The following PLCB1 variants were observed in gnomAD, a reference collection of about 807,000 sequenced individuals.
The protein encoded by PLCB1 is 1-phosphatidylinositol 4,5-bisphosphate phosphodiesterase beta-1.
PLCB1 carries 46 observed loss-of-function variants against 161.8 expected under a neutral mutation model. That is an observed-to-expected ratio of 0.28 (90% confidence interval 0.22 to 0.36). The LOEUF (loss-of-function observed/expected upper bound fraction) is 0.36. Among genes scored for constraint, PLCB1 ranks in the 10% least tolerant of loss-of-function variants. The pLI, the probability that PLCB1 is intolerant of heterozygous loss-of-function variation, is 1.00. For synonymous variants in PLCB1, 517 were observed against 503.7 expected (o/e 1.03, Z -0.35); for missense variants, 1,016 against 1,472.5 (o/e 0.69, Z 5.07).
chr20:8,232,849 A>AC (rs141117909), intron 2 of PLCB1, among the ~76,000 whole-genome samples: 259 of 152,150 alleles, frequency 1.7e-3, no homozygotes, highest in African/African-American at 5.9e-3. Context: ...GATTTGACCT[A>AC]CCTTTAATCT....
chr20:8,351,811 A>G (rs1986189214), intron 2 of PLCB1, among the ~76,000 whole-genome samples: 1 of 152,102 alleles, frequency 6.6e-6, no homozygotes, highest in African/African-American at 2.4e-5. Flanking sequence ...CACTATTAAA[A>G]TAGCTAAAAT....
intron 1 of PLCB1, among the ~76,000 whole-genome samples, chr20:8,144,317 C>T (rs1342313980): frequency 1.3e-5 from 2 of 152,160 alleles, no homozygotes; most frequent in African/African-American, 4.8e-5. Context: ...GGGATCTGGG[C>T]TTTAATTTGG....
At chr20:8,507,603 G>T (rs1369431825) in intron 3 of PLCB1, among the ~76,000 whole-genome samples, 1 of 152,110 alleles carries the variant, frequency 6.6e-6, no homozygotes, top group Non-Finnish European at 1.5e-5. Context: ...AGAAAAGCAG[G>T]ATTTAATGGA....
chr20:8,733,825 T>A (rs1293232971), intron 19 of PLCB1, among the ~76,000 whole-genome samples: 1 of 134,448 alleles, frequency 7.4e-6, no homozygotes, highest in Admixed American at 7.4e-5. Context: ...ATAATAATAA[T>A]AAAAGTTTTG....
chr20:8,239,639 T>C (rs755549413), intron 2 of PLCB1, among the ~76,000 whole-genome samples: 11 of 151,626 alleles, frequency 7.3e-5, no homozygotes, highest in Non-Finnish European at 1.6e-4. Flanking sequence ...GTGAGATAAA[T>C]CTTGAGAAAA....
intron 31 of PLCB1, among the ~76,000 whole-genome samples, chr20:8,796,289 G>A: frequency 6.6e-6 from 1 of 152,118 alleles, no homozygotes; most frequent in East Asian, 1.9e-4. Flanking sequence ...GTAACAGGGT[G>A]ATTGACTCAT....
At chr20:8,646,013 A>T in intron 4 of PLCB1, 89 bp from the exon 5 acceptor site, 1 of 862,254 alleles carries the variant, frequency 1.2e-6, no homozygotes, top group East Asian at 2.5e-5. Context: ...ACATTGAACT[A>T]ATGTGTCTTC....
intron 25 of PLCB1, among the ~76,000 whole-genome samples, chr20:8,760,915 G>C (rs1043022140): frequency 6.6e-6 from 1 of 152,138 alleles, no homozygotes; most frequent in Non-Finnish European, 1.5e-5. Flanking sequence ...AACTAAAATT[G>C]GTACAAGCTT....
At chr20:8,496,341 A>T (rs866480036) in intron 3 of PLCB1, among the ~76,000 whole-genome samples, 4,558 of 151,960 alleles carry the variant, frequency 0.03, 230 homozygotes, top group African/African-American at 0.1. Context: ...AAAAAAAAAA[A>T]AAAAAAAATA....
intron 3 of PLCB1, among the ~76,000 whole-genome samples, chr20:8,500,690 C>G (rs1317286096): frequency 6.6e-6 from 1 of 152,120 alleles, no homozygotes; most frequent in Non-Finnish European, 1.5e-5. Flanking sequence ...TTACCAAACT[C>G]TTTCTTCTTT....
At chr20:8,213,475 C>T (rs1157932818) in intron 2 of PLCB1, among the ~76,000 whole-genome samples, 1 of 152,056 alleles carries the variant, frequency 6.6e-6, no homozygotes, top group East Asian at 1.9e-4. Flanking sequence ...AAAGGCCCTG[C>T]AGCAGGAGGT....
At chr20:8,527,784 A>G (rs1359993529) in intron 3 of PLCB1, among the ~76,000 whole-genome samples, 7 of 152,106 alleles carry the variant, frequency 4.6e-5, no homozygotes, top group Non-Finnish European at 8.8e-5. Context: ...ACAACTCAAT[A>G]AAAAGGAAAG....
chr20:8,795,829 C>T (rs1374004834), intron 31 of PLCB1, among the ~76,000 whole-genome samples: 4 of 150,168 alleles, frequency 2.7e-5, no homozygotes, highest in Non-Finnish European at 5.9e-5. Context: ...GAGCCGAGAT[C>T]GCGCCACTGC....
chr20:8,391,013 T>G (rs1051926447), intron 3 of PLCB1, among the ~76,000 whole-genome samples: 1 of 151,798 alleles, frequency 6.6e-6, no homozygotes, highest in Admixed American at 6.6e-5. Context: ...CTAAATGCAT[T>G]TTGCCATCAT....
chr20:8,320,217 C>T (rs1436221951), intron 2 of PLCB1, among the ~76,000 whole-genome samples: 1 of 152,084 alleles, frequency 6.6e-6, no homozygotes, highest in Non-Finnish European at 1.5e-5. Context: ...GTTTTTCACA[C>T]TGTAATCTTT....
At chr20:8,483,460 T>G (rs1982591896) in intron 3 of PLCB1, among the ~76,000 whole-genome samples, 1 of 152,220 alleles carries the variant, frequency 6.6e-6, no homozygotes, top group Non-Finnish European at 1.5e-5. Context: ...CAGAAATCAC[T>G]GTATGGAACA....
chr20:8,381,146 G>T (rs947280117), intron 3 of PLCB1, among the ~76,000 whole-genome samples: 2 of 152,120 alleles, frequency 1.3e-5, no homozygotes, highest in Admixed American at 1.3e-4. Flanking sequence ...AGAGTTTTTA[G>T]CATGAAGTGA....
intron 3 of PLCB1, among the ~76,000 whole-genome samples, chr20:8,475,119 A>G (rs1288474170): frequency 1.3e-5 from 2 of 152,198 alleles, no homozygotes; most frequent in Non-Finnish European, 1.5e-5. Context: ...ATTTTCAATC[A>G]AAGATCTTAC....
intron 3 of PLCB1, among the ~76,000 whole-genome samples, chr20:8,516,789 T>C (rs1248712865): frequency 4.0e-5 from 6 of 150,586 alleles, no homozygotes; most frequent in Middle Eastern, 3.5e-3. Flanking sequence ...AAGATAGATA[T>C]AGTTGAGTCA....
Sources: allele counts gnomAD v4.1 joint callset (sites outside exome capture counted in the v4.1 genomes callset), GRCh38; gene constraint gnomAD v4.1.1; transcripts MANE v1.5; gene names NCBI Gene and HGNC (gene_info 2026-07-23, HGNC 2026-07-21).